The following GRIK3 variants were observed in gnomAD, a reference collection of about 807,000 sequenced individuals.
The protein encoded by GRIK3 is glutamate ionotropic receptor kainate type subunit 3.
A neutral mutation model predicts 102.5 loss-of-function variants in GRIK3; 29 were observed. That is an observed-to-expected ratio of 0.28 (90% confidence interval 0.21 to 0.39). The LOEUF (loss-of-function observed/expected upper bound fraction) is 0.39, where lower values mean the gene tolerates loss of function less well. Ranked by LOEUF, GRIK3 falls within the 10% of genes least tolerant of loss-of-function variation. The pLI is 1.00. For missense variants in GRIK3, 908 were observed against 1,252.4 expected, an observed-to-expected ratio of 0.73 and a Z score of 4.15; for synonymous variants, 511 against 504.9, an observed-to-expected ratio of 1.01 and a Z score of -0.16.
rs1642507140 is a variant in GRIK3, at chr1:36,806,857, G to A, written c.2092-531C>T. 6.6e-6 allele frequency among the ~76,000 whole-genome samples: 1 copy of A among 152,178 alleles called. No individual in the cohort carries two copies. The highest frequency in any genetic ancestry group is 6.5e-5 in the Admixed American group (1 of 15,278). Reference sequence around the variant, plus strand: ...CAGAGTCCATACCCCTAACCCCTCAGCTGCCCTGCCTCACAGAAACCACTG... The same window carrying A: ...CAGAGTCCATACCCCTAACCCCTCAACTGCCCTGCCTCACAGAAACCACTG... On this transcript the variant is annotated intron_variant, in intron 13 of 15. Coordinates refer to ENST00000373091, the MANE Select transcript of GRIK3 (RefSeq NM_000831.4). This position sits in a 1 kb window ranked among gnomAD's most constrained non-coding sequence, Gnocchi z 4.0.
Position 36,880,520 on chromosome 1 carries a change from G to T in GRIK3, c.550+114C>A. 1 of 1,067,240 alleles carries T rather than the reference G, an allele frequency of 9.4e-7. No individual in the cohort carries two copies. The highest frequency in any genetic ancestry group is 1.4e-6 in the Non-Finnish European group (1 of 703,714). The allele number at this position is 1,067,240 out of a possible 1,614,324, so 66.1% of individuals were successfully genotyped here. On this transcript the variant is annotated intron_variant, in intron 3 of 15. Coordinates refer to ENST00000373091, the MANE Select transcript of GRIK3 (RefSeq NM_000831.4). The surrounding 1 kb of genome is among the most constrained non-coding windows in gnomAD (Gnocchi z 5.4). ...CATAACCGAGTGGAACTGGGGTATGGAACACAGCCTCTTCCCCCAGGGCAG... is the reference window on the plus strand; with the variant it reads ...CATAACCGAGTGGAACTGGGGTATGTAACACAGCCTCTTCCCCCAGGGCAG...
chr1:36,973,921 C>T (rs368257820), intron 1 of GRIK3, among the ~76,000 whole-genome samples: 9 of 152,140 alleles, frequency 5.9e-5, no homozygotes, highest in African/African-American at 2.2e-4. Context: ...CTCAGCCCCT[C>T]ATGAGAAAGC....
intron 1 of GRIK3, among the ~76,000 whole-genome samples, chr1:36,950,089 C>T (rs182639476): frequency 1.4e-3 from 212 of 152,258 alleles, no homozygotes; most frequent in African/African-American, 4.7e-3. Context: ...TACACACATA[C>T]ACAACACACA....
chr1:36,805,936 C>CAAAAAAAAAAAAAAAAAAAAAAAAAAA (rs749853809), intron 14 of GRIK3, among the ~76,000 whole-genome samples, 168 bp downstream of exon 14: 2 of 31,604 alleles, frequency 6.3e-5, no homozygotes, highest in African/African-American at 1.3e-4. Context: ...AACTCCACCT[C>CAAAAAAAAAAAAAAAAAAAAAAAAAAA]AAAAAAAAAA....
chr1:36,932,571 T>C (rs1641607959), intron 1 of GRIK3, among the ~76,000 whole-genome samples: 1 of 152,186 alleles, frequency 6.6e-6, no homozygotes, highest in Non-Finnish European at 1.5e-5. Flanking sequence ...CCATTTCCAA[T>C]GAAGGGTCCG....
chr1:36,956,916 T>C (rs1641918431), intron 1 of GRIK3, among the ~76,000 whole-genome samples: 1 of 152,288 alleles, frequency 6.6e-6, no homozygotes, highest in South Asian at 2.1e-4. Flanking sequence ...TTCGTTCACT[T>C]ACCCATGCAT....
chr1:36,989,440 G>T (rs1045460439), intron 1 of GRIK3, among the ~76,000 whole-genome samples: 11 of 152,188 alleles, frequency 7.2e-5, no homozygotes, highest in African/African-American at 2.7e-4. Context: ...CAACACACAA[G>T]CACCTTGGAG....
chr1:36,921,133 T>C (rs536057185), intron 1 of GRIK3, among the ~76,000 whole-genome samples: 13 of 152,348 alleles, frequency 8.5e-5, no homozygotes, highest in African/African-American at 3.1e-4. Context: ...TCTCCTCCTC[T>C]GCCATCCTTT....
chr1:36,888,948 A>G (rs894938419), intron 2 of GRIK3, among the ~76,000 whole-genome samples: 2 of 152,050 alleles, frequency 1.3e-5, no homozygotes, highest in Admixed American at 6.5e-5. Context: ...CGTAAGGAAC[A>G]ATGTTCGTTA....
rs566083990 is a variant in GRIK3 at position 36,893,877 on chromosome 1, G to A, written c.116-2781C>T. On this transcript the variant is annotated intron_variant, in intron 1 of 15. Transcript: ENST00000373091. Reference sequence around the variant, plus strand: ...AACAGTGAGGGTTTCTGGCAGAGGTGCAGTACAATTCCCTTTAGAAGAGGA... The same window carrying A: ...AACAGTGAGGGTTTCTGGCAGAGGTACAGTACAATTCCCTTTAGAAGAGGA... 3.2e-3 allele frequency among the ~76,000 whole-genome samples: 488 copies of A among 152,286 alleles called. 1 individual carries two copies. The highest frequency in any genetic ancestry group is 4.9e-3 in the Non-Finnish European group (333 of 68,024).
chr1:36,906,395 G>T (rs1641284685), intron 1 of GRIK3, among the ~76,000 whole-genome samples: 1 of 152,218 alleles, frequency 6.6e-6, no homozygotes, highest in Non-Finnish European at 1.5e-5. Context: ...TGATTATTGT[G>T]AGGAAGACAT....
intron 5 of GRIK3, among the ~76,000 whole-genome samples, chr1:36,868,825 C>T (rs1345005888): frequency 1.3e-5 from 2 of 152,214 alleles, no homozygotes; most frequent in Non-Finnish European, 2.9e-5. Flanking sequence ...AACTTCCCGC[C>T]TTCCACCAGA....
intron 1 of GRIK3, among the ~76,000 whole-genome samples, chr1:36,917,687 C>T (rs552611551): frequency 1.3e-5 from 2 of 152,348 alleles, no homozygotes; most frequent in South Asian, 4.1e-4. Context: ...AGCCTTCCAG[C>T]CACATGGAAC....
chr1:36,918,959 C>T (rs759534084), intron 1 of GRIK3, among the ~76,000 whole-genome samples: 5 of 152,206 alleles, frequency 3.3e-5, no homozygotes, highest in East Asian at 1.9e-4. Context: ...GGAGATACAG[C>T]GCTGAACTAA....
At chr1:36,837,531 G>A (rs1223057269) in intron 10 of GRIK3, among the ~76,000 whole-genome samples, 1 of 152,050 alleles carries the variant, frequency 6.6e-6, no homozygotes, top group Non-Finnish European at 1.5e-5. Flanking sequence ...GGGTCCCAGC[G>A]ATGGCTTCCA....
Position 36,817,264 on chromosome 1 carries a change from C to G in GRIK3, c.1887G>C (p.Met629Ile). 6.2e-7 allele frequency: 1 copy of G among 1,611,604 alleles called. No individual in the cohort carries two copies. Among genetic ancestry groups the G allele is most frequent in the Non-Finnish European group, 8.5e-7 (1 of 1,177,720 alleles). ...GSLMQQGSELMPKALSTRIIG... is the reference protein window; with the variant it reads ...GSLMQQGSELIPKALSTRIIG... ...TGATGCGTGTGGACAGGGCTTTGGG[C>G]ATCAGCTCAGACCCTGGGCGAAGAG... The change falls in exon 13 of 16, where the codon ATG becomes ATC. Residue 629 changes from methionine to isoleucine, a missense_variant. Around this residue, in one of 3 missense-constraint regions of GRIK3, gnomAD observed 26 missense variants for 64.8 expected, o/e 0.40. Transcript: ENST00000373091.
chr1:36,922,945 G>C (rs1641489932), intron 1 of GRIK3, among the ~76,000 whole-genome samples: 1 of 152,174 alleles, frequency 6.6e-6, no homozygotes, highest in South Asian at 2.1e-4. Context: ...AGGCTGTATT[G>C]CAGGGTTGCA....
intron 1 of GRIK3, among the ~76,000 whole-genome samples, chr1:36,955,973 G>A (rs1022675176): frequency 6.6e-6 from 1 of 152,256 alleles, no homozygotes; most frequent in African/African-American, 2.4e-5. Context: ...GGTAGGTGAC[G>A]GTGAGGAAGA....
intron 1 of GRIK3, among the ~76,000 whole-genome samples, chr1:37,024,204 C>A (rs946369480): frequency 8.5e-5 from 13 of 152,152 alleles, no homozygotes; most frequent in Admixed American, 1.3e-4. Context: ...CTGTGGTCAT[C>A]TTTTGATGCC....
Sources: allele counts gnomAD v4.1 joint callset (sites outside exome capture counted in the v4.1 genomes callset), GRCh38; gene constraint gnomAD v4.1.1; regional missense constraint gnomAD v4.1.1; non-coding constraint Gnocchi (gnomAD v3.1); transcripts MANE v1.5; gene names NCBI Gene and HGNC (gene_info 2026-07-23, HGNC 2026-07-21).